Variants in RAP1GAP2 observed in about 807,000 individuals in gnomAD.
RAP1GAP2 encodes rap1 GTPase-activating protein 2.
In RAP1GAP2, 27 loss-of-function variants were observed where a neutral mutation model predicts 95.0. That is an observed-to-expected ratio of 0.28 (90% CI 0.21 to 0.39). RAP1GAP2 has a LOEUF of 0.39. Ranked by LOEUF, RAP1GAP2 falls within the 10% of genes least tolerant of loss-of-function variation. The pLI is 1.00. For synonymous variants in RAP1GAP2, 373 were observed against 380.9 expected, an observed-to-expected ratio of 0.98 and a Z score of 0.24; for missense variants, 771 against 970.0, an observed-to-expected ratio of 0.79 and a Z score of 2.72.
intron 10 of RAP1GAP2, among the ~76,000 whole-genome samples, chr17:2,984,369 C>T (rs1034455976): frequency 3.9e-5 from 6 of 152,046 alleles, no homozygotes; most frequent in African/African-American, 1.4e-4. Context: ...ACAACAAAAC[C>T]CGAAAAAACT....
Position 3,027,103 on chromosome 17 carries a change from C to T in RAP1GAP2, c.2107+33C>T. 1 of 1,549,112 alleles carries T rather than the reference C, an allele frequency of 6.5e-7. No individual in the cohort carries two copies. The highest frequency in any genetic ancestry group is 8.7e-7 in the Non-Finnish European group (1 of 1,144,812). ...GCATCTGGTGGTGTGTGTGACGTCACCAGGAGGGCAGGCTGTGCCCTGTCC... is the reference window on the plus strand; with the variant it reads ...GCATCTGGTGGTGTGTGTGACGTCATCAGGAGGGCAGGCTGTGCCCTGTCC... On this transcript the variant is annotated intron_variant, in intron 22 of 24. Coordinates refer to ENST00000254695, the MANE Select transcript of RAP1GAP2 (RefSeq NM_015085.5). This position sits in a 1 kb window ranked among gnomAD's most constrained non-coding sequence, Gnocchi z 5.2.
chr17:2,927,343 C>T lies in RAP1GAP2; in HGVS notation c.165+21975C>T, dbSNP rs369248395. ...TAATTTTTTGTATTTTTAGTAGAGA[C>T]GGGGTTTCACCGTGTTAGCCAGGAT... On this transcript the variant is annotated intron_variant, in intron 3 of 24. Coordinates refer to ENST00000254695, the MANE Select transcript of RAP1GAP2 (RefSeq NM_015085.5). 6.0e-3 allele frequency among the ~76,000 whole-genome samples: 915 copies of T among 151,582 alleles called. 1 individual carries two copies. The highest frequency in any genetic ancestry group is 0.027 in the South Asian group (128 of 4,780).
intron 2 of RAP1GAP2, among the ~76,000 whole-genome samples, chr17:2,835,500 C>T (rs112875923): frequency 6.6e-5 from 10 of 152,334 alleles, no homozygotes; most frequent in African/African-American, 1.9e-4. Context: ...GAATTACAGG[C>T]GTGAGCCACC....
At chr17:2,865,981 C>G (rs1384236287) in intron 2 of RAP1GAP2, among the ~76,000 whole-genome samples, 2 of 152,254 alleles carry the variant, frequency 1.3e-5, no homozygotes, top group Non-Finnish European at 2.9e-5. Context: ...CTCCCTGCCT[C>G]CAGCAGCCCA....
intron 3 of RAP1GAP2, among the ~76,000 whole-genome samples, chr17:2,911,688 G>A (rs1173931510): frequency 6.0e-5 from 9 of 150,428 alleles, no homozygotes; most frequent in African/African-American, 2.2e-4. Flanking sequence ...ATGTGGGGAG[G>A]TGGGGTGGGA....
intron 1 of RAP1GAP2, among the ~76,000 whole-genome samples, chr17:2,777,724 G>A (rs1270043827): frequency 1.3e-5 from 2 of 152,180 alleles, no homozygotes; most frequent in Non-Finnish European, 2.9e-5. Context: ...TGCCAGTGGG[G>A]TTTGCTGGGA....
chr17:2,839,068 C>T (rs1478754968), intron 2 of RAP1GAP2, among the ~76,000 whole-genome samples: 1 of 151,900 alleles, frequency 6.6e-6, no homozygotes. Flanking sequence ...TTTTGGAGGC[C>T]AAGGCAGGTG....
At chr17:2,962,855 G>T (rs889076225) in intron 5 of RAP1GAP2, 141 bp downstream of exon 5, 9 of 792,234 alleles carry the variant, frequency 1.1e-5, no homozygotes, top group Non-Finnish European at 1.7e-5. Flanking sequence ...GCCGCTTCAC[G>T]ACTGCCTTGT....
chr17:2,905,409 T>A, intron 3 of RAP1GAP2, 41 bp downstream of exon 3: 1 of 1,595,168 alleles, frequency 6.3e-7, no homozygotes, highest in Non-Finnish European at 8.6e-7. Context: ...GGGGAGAGTG[T>A]GGGGAAGTTG....
chr17:3,020,413 G>A, intron 18 of RAP1GAP2, 64 bp from the exon 19 acceptor site: 1 of 1,312,694 alleles, frequency 7.6e-7, no homozygotes, highest in Non-Finnish European at 1.1e-6. Context: ...CCAGGGAGGA[G>A]GATGAGGGGA....
chr17:2,901,901 C>T (rs567431669), intron 2 of RAP1GAP2, among the ~76,000 whole-genome samples: 52 of 152,216 alleles, frequency 3.4e-4, no homozygotes, highest in African/African-American at 1.1e-3. Flanking sequence ...CTGTTTTTGG[C>T]TCTCTAGGCC....
intron 5 of RAP1GAP2, 150 bp downstream of exon 5, chr17:2,962,864 G>A: frequency 1.4e-6 from 1 of 721,510 alleles, no homozygotes; most frequent in Non-Finnish European, 2.2e-6. Flanking sequence ...CGACTGCCTT[G>A]TTAGACCAGT....
rs1036317241 is a variant in RAP1GAP2 at position 2,867,929 on chromosome 17, C to T, written c.81-37355C>T. On this transcript the variant is annotated intron_variant, in intron 2 of 24. Transcript: ENST00000254695. This position sits in a 1 kb window ranked among gnomAD's most constrained non-coding sequence, Gnocchi z 4.5. ...TGCTTTCTTCTTCACGGATGCAGCT[C>T]GCGGGATCCCCAAGCCTTTGGTAGT... is the stretch of plus-strand genomic sequence containing the variant. Among the ~76,000 whole-genome samples the T allele has an allele frequency of 7.2e-5, 11 of 152,102 alleles. No homozygotes were observed. The highest frequency in any genetic ancestry group is 2.2e-4 in the African/African-American group (9 of 41,404).
At chr17:2,905,849 T>C (rs775351984) in intron 3 of RAP1GAP2, among the ~76,000 whole-genome samples, 2 of 152,180 alleles carry the variant, frequency 1.3e-5, no homozygotes, top group Non-Finnish European at 2.9e-5. Flanking sequence ...TATTTTCTTA[T>C]CAGCACTTCC....
chr17:3,014,618 C>T (rs1052112295), intron 17 of RAP1GAP2, among the ~76,000 whole-genome samples: 7 of 148,306 alleles, frequency 4.7e-5, no homozygotes, highest in East Asian at 2.0e-4. Context: ...GGTGCGATCT[C>T]GGCTCACTGC....
At chr17:2,865,358 CT>C (rs2072577884) in intron 2 of RAP1GAP2, among the ~76,000 whole-genome samples, 1 of 152,086 alleles carries the variant, frequency 6.6e-6, no homozygotes, top group Non-Finnish European at 1.5e-5. Context: ...AGCTGGGCTT[CT>C]TTTGAATGCT....
At position 3,025,072 on chromosome 17, in the gene RAP1GAP2, T is replaced by G. The variant is rs539910672; in HGVS notation, c.1752-936T>G. Among the ~76,000 whole-genome samples the G allele has an allele frequency of 1.4e-4, 21 of 152,142 alleles. No individual in the cohort carries two copies. In the South Asian group the frequency reaches 4.2e-3, roughly 30 times the overall value. Reference sequence around the variant, plus strand: ...TGTGTAGATTCTGTCTCAAGAACACTATTATTTAAAAAGTACATTGACGGC... The same window carrying G: ...TGTGTAGATTCTGTCTCAAGAACACGATTATTTAAAAAGTACATTGACGGC... On this transcript the variant is annotated intron_variant, in intron 19 of 24. Transcript: ENST00000254695.
At chr17:2,882,441 G>A (rs539447417) in intron 2 of RAP1GAP2, among the ~76,000 whole-genome samples, 3 of 152,000 alleles carry the variant, frequency 2.0e-5, no homozygotes, top group South Asian at 2.1e-4. Flanking sequence ...ACAGGCACGC[G>A]CCACCACGCC....
chr17:2,846,403 G>T (rs928545982), intron 2 of RAP1GAP2, among the ~76,000 whole-genome samples: 4 of 151,898 alleles, frequency 2.6e-5, no homozygotes, highest in African/African-American at 9.7e-5. Flanking sequence ...CGACTTTGGC[G>T]GTTTGTTTTG....
Sources: gnomAD v4.1 joint callset for allele counts (sites outside exome capture counted in the v4.1 genomes callset) on GRCh38, gnomAD v4.1.1 for gene constraint, Gnocchi (gnomAD v3.1) non-coding constraint, MANE v1.5 for transcripts, NCBI Gene and HGNC (gene_info 2026-07-23, HGNC 2026-07-21) for gene names.